GCNT2: variants seen among roughly 807,000 people sequenced by gnomAD.
GCNT2 encodes the protein N-acetyllactosaminide beta-1,6-N-acetylglucosaminyl-transferase.
A neutral mutation model predicts 34.2 loss-of-function variants in GCNT2; 34 were observed. The ratio of observed to expected loss-of-function variants is 1.00; its 90% CI spans 0.76 to 1.32. The LOEUF is 1.32. Ranked by LOEUF, GCNT2 falls within the 40% of genes most tolerant of loss-of-function variation. GCNT2 has a pLI of 0.00. For synonymous variants in GCNT2, 212 were observed against 188.0 expected (o/e 1.13, Z -1.04); for missense variants, 584 against 489.4 (o/e 1.19, Z -1.82).
Position 10,529,460 on chromosome 6 carries a change from C to T in GCNT2, c.549C>T (p.Pro183=), listed in dbSNP as rs541962993. 1 of 1,614,148 alleles carries T rather than the reference C, an allele frequency of 6.2e-7. No homozygotes were observed. Among genetic ancestry groups the T allele is most frequent in the East Asian group, 2.2e-5 (1 of 44,886 alleles). The change falls in exon 3 of 5, where the codon CCC becomes CCT. Residue 183 remains proline (P), a synonymous_variant. Coordinates refer to ENST00000495262, the MANE Select transcript of GCNT2 (RefSeq NM_145649.5). ...AAGACCTTGTGGCCTCTGAAGTTCC[C>T]TGGAAGTATGTCATCAACACCTGCG... ...CLEDLVASEV[P]WKYVINTCGQ...
intron 3 of GCNT2, among the ~76,000 whole-genome samples, chr6:10,566,276 T>G (rs1763280923): frequency 6.6e-6 from 1 of 152,082 alleles, no homozygotes; most frequent in African/African-American, 2.4e-5. Context: ...GTTGTACTAT[T>G]ATTGGTCTTT....
At chr6:10,548,045 C>G (rs1018384603) in intron 3 of GCNT2, among the ~76,000 whole-genome samples, 2 of 152,148 alleles carry the variant, frequency 1.3e-5, no homozygotes, top group Non-Finnish European at 2.9e-5. Context: ...CCCAGTCTTG[C>G]AATCAGCCAT....
chr6:10,537,330 A>G (rs1461275194), intron 3 of GCNT2, among the ~76,000 whole-genome samples: 1 of 152,126 alleles, frequency 6.6e-6, no homozygotes, highest in Non-Finnish European at 1.5e-5. Flanking sequence ...GCTAAGTTAG[A>G]CTACAGATGC....
At chr6:10,523,398 A>T (rs1399279332) in intron 1 of GCNT2, among the ~76,000 whole-genome samples, 1 of 149,572 alleles carries the variant, frequency 6.7e-6, no homozygotes, top group Non-Finnish European at 1.5e-5. Flanking sequence ...TACACTGCAG[A>T]CGGGGCAACA....
intron 3 of GCNT2, among the ~76,000 whole-genome samples, chr6:10,569,095 A>C (rs937937053): frequency 6.6e-6 from 1 of 152,100 alleles, no homozygotes; most frequent in Non-Finnish European, 1.5e-5. Flanking sequence ...CATAGTGAGC[A>C]TTCAGTGGGC....
Position 10,528,813 on chromosome 6 carries a change from C to T in GCNT2, c.-99C>T, listed in dbSNP as rs952225394. 2.3e-5 allele frequency: 22 copies of T among 947,502 alleles called. No homozygotes were observed. Among genetic ancestry groups the T allele is most frequent in the Admixed American group, 1.2e-4 (7 of 57,708 alleles). 58.7% of individuals were successfully genotyped at this position (947,502 alleles called of 1,614,324 possible). A position where few individuals can be genotyped will look rare whatever the true frequency, so the allele number is the denominator to read the frequency against. On this transcript the variant is annotated 5_prime_UTR_variant, in exon 3 of 5. The change creates a new upstream start codon in the 5' untranslated region. Coordinates refer to ENST00000495262, the MANE Select transcript of GCNT2 (RefSeq NM_145649.5). The stretch of plus-strand genomic sequence containing the variant: ...AGCCAGACGAGAGCTTCAGCCATCA[C>T]GAGGATGATTTCGGAACCTGGAGAA...
intron 3 of GCNT2, among the ~76,000 whole-genome samples, chr6:10,576,419 A>C (rs1763814156): frequency 6.6e-6 from 1 of 152,234 alleles, no homozygotes. Context: ...GTAGAATCAC[A>C]TGGCAAACAT....
At chr6:10,544,945 C>CAAATAAAT (rs57813293) in intron 3 of GCNT2, among the ~76,000 whole-genome samples, 3,659 of 149,042 alleles carry the variant, frequency 0.025, 74 homozygotes, top group African/African-American at 0.059. Flanking sequence ...AACTCTGTCT[C>CAAATAAAT]AAATAAATAA....
intron 3 of GCNT2, among the ~76,000 whole-genome samples, chr6:10,576,080 G>A (rs1763795831): frequency 6.6e-6 from 1 of 152,170 alleles, no homozygotes; most frequent in Admixed American, 6.5e-5. Context: ...ATGTTGTCCA[G>A]GCTGGTCTCG....
At chr6:10,577,960 C>T (rs9460886) in intron 3 of GCNT2, among the ~76,000 whole-genome samples, 4,467 of 152,292 alleles carry the variant, frequency 0.029, 196 homozygotes, top group African/African-American at 0.098. Context: ...CCACCACCAC[C>T]ATGACCACCC....
chr6:10,533,137 C>G (rs1159807056), intron 3 of GCNT2, among the ~76,000 whole-genome samples: 6 of 150,550 alleles, frequency 4.0e-5, no homozygotes, highest in Non-Finnish European at 8.9e-5. Flanking sequence ...TGAAACCTAT[C>G]TCTACTAAAA....
At position 10,586,156 on chromosome 6, in the gene GCNT2, T is replaced by C. The variant is rs535308444; in HGVS notation, c.926-35195T>C. On this transcript the variant is annotated intron_variant, in intron 3 of 4. Coordinates refer to ENST00000495262, the MANE Select transcript of GCNT2 (RefSeq NM_145649.5). ...GCCTGTAATCACGCCTTAGAGAAAA[T>C]GCCAGTCTTTTTGTGGGAAAATATA... 2,304 of 1,614,132 alleles carry C rather than the reference T, an allele frequency of 1.4e-3. 54 individuals carry two copies. The South Asian group carries it at 0.024, about 17-fold the overall frequency.
chr6:10,586,466 G>A (rs1211853542), intron 3 of GCNT2: 2 of 1,614,170 alleles, frequency 1.2e-6, no homozygotes, highest in Non-Finnish European at 1.7e-6. Context: ...CAGAGTCTGT[G>A]GTTTATGCAG....
chr6:10,560,369 G>T (rs1762921051), intron 3 of GCNT2, among the ~76,000 whole-genome samples: 1 of 152,172 alleles, frequency 6.6e-6, no homozygotes, highest in Non-Finnish European at 1.5e-5. Flanking sequence ...GGGATTACAG[G>T]CATGAGCCAC....
chr6:10,549,116 A>G (rs1762380992), intron 3 of GCNT2, among the ~76,000 whole-genome samples: 1 of 152,160 alleles, frequency 6.6e-6, no homozygotes, highest in Non-Finnish European at 1.5e-5. Flanking sequence ...TACTGGCATT[A>G]GTGGGTAGAG....
intron 3 of GCNT2, among the ~76,000 whole-genome samples, chr6:10,564,337 C>CA (rs1232552746): frequency 6.6e-6 from 1 of 152,174 alleles, no homozygotes; most frequent in African/African-American, 2.4e-5. Context: ...GAACTAAACT[C>CA]AGACTCTCCC....
chr6:10,542,070 GTGT>G (rs1762058543), intron 3 of GCNT2, among the ~76,000 whole-genome samples: 1 of 152,132 alleles, frequency 6.6e-6, no homozygotes. Context: ...GAAACCAATT[GTGT>G]TGTTGCTTTC....
chr6:10,561,952 T>G (rs904653291), intron 3 of GCNT2, among the ~76,000 whole-genome samples: 61 of 152,272 alleles, frequency 4.0e-4, no homozygotes, highest in African/African-American at 1.3e-3. Context: ...AAACTGTGAC[T>G]TTTATTTATA....
chr6:10,523,802 C>A (rs1262531057), intron 1 of GCNT2, among the ~76,000 whole-genome samples: 2 of 151,802 alleles, frequency 1.3e-5, no homozygotes, highest in African/African-American at 2.4e-5. Flanking sequence ...GAAACCCCGT[C>A]TCTATTAAAA....
Sources: gnomAD v4.1 joint callset for allele counts (sites outside exome capture counted in the v4.1 genomes callset) on GRCh38, gnomAD v4.1.1 for gene constraint, MANE v1.5 for transcripts, NCBI Gene and HGNC (gene_info 2026-07-23, HGNC 2026-07-21) for gene names.